Variants in DIAPH2 observed in about 807,000 individuals in gnomAD.
The protein encoded by DIAPH2 is protein diaphanous homolog 2.
DIAPH2 carries 35 observed loss-of-function variants against 92.7 expected under a neutral mutation model. The ratio of observed to expected loss-of-function variants is 0.38; its 90% CI spans 0.29 to 0.50. DIAPH2 has a LOEUF of 0.50. DIAPH2 is among the 20% of genes least tolerant of loss of function. The pLI is 0.94. For synonymous variants in DIAPH2, 301 were observed against 280.4 expected, an observed-to-expected ratio of 1.07 and a Z score of -0.73; for missense variants, 701 against 819.5, an observed-to-expected ratio of 0.86 and a Z score of 1.77.
intron 21 of DIAPH2, among the ~76,000 whole-genome samples, chrX:97,127,509 T>C (rs747299137): frequency 2.7e-5 from 3 of 112,542 alleles, no homozygotes; most frequent in Admixed American, 9.4e-5. Flanking sequence ...GATCACTTTA[T>C]GCTTCCAAAT....
intron 17 of DIAPH2, among the ~76,000 whole-genome samples, chrX:97,038,693 C>A (rs2066428483): frequency 9.1e-6 from 1 of 109,869 alleles, no homozygotes; most frequent in African/African-American, 3.3e-5. Context: ...CTTTAATTTT[C>A]ATTTTCCTAA....
chrX:96,873,816 T>C (rs1438349820), intron 4 of DIAPH2, among the ~76,000 whole-genome samples: 1 of 111,081 alleles, frequency 9.0e-6, no homozygotes, highest in Non-Finnish European at 1.9e-5. Flanking sequence ...GATATCATAA[T>C]ATAGATTACC....
intron 25 of DIAPH2, among the ~76,000 whole-genome samples, chrX:97,408,485 T>G (rs992304612): frequency 9.0e-6 from 1 of 111,695 alleles, no homozygotes; most frequent in Non-Finnish European, 1.9e-5. Context: ...GAAGTTAATT[T>G]TTTTCTATTG....
chrX:97,452,471 G>T (rs547511285), intron 26 of DIAPH2, among the ~76,000 whole-genome samples: 204 of 111,887 alleles, frequency 1.8e-3, no homozygotes, highest in African/African-American at 6.4e-3. Flanking sequence ...AGGACTTCCT[G>T]CTGAGGTCAT....
At chrX:97,187,281 C>CTTTATTTTTTTTTT (rs2067613415) in intron 22 of DIAPH2, among the ~76,000 whole-genome samples, 1 of 36,889 alleles carries the variant, frequency 2.7e-5, no homozygotes, top group Non-Finnish European at 4.4e-5. Context: ...ATTAAGTAGC[C>CTTTATTTTTTTTTT]TTTTTTTTTT....
chrX:96,860,818 C>G (rs2065068749), intron 4 of DIAPH2, among the ~76,000 whole-genome samples: 1 of 111,102 alleles, frequency 9.0e-6, no homozygotes, highest in Admixed American at 9.6e-5. Context: ...AAAGAAATTA[C>G]ACGTGTCATA....
chrX:96,751,217 T>C (rs1351718940), intron 3 of DIAPH2, among the ~76,000 whole-genome samples: 1 of 111,424 alleles, frequency 9.0e-6, no homozygotes, highest in East Asian at 2.8e-4. Context: ...TTGTCTATAA[T>C]AGGAAATTGT....
At chrX:97,562,067 A>T (rs2071297406) in intron 26 of DIAPH2, among the ~76,000 whole-genome samples, 1 of 111,990 alleles carries the variant, frequency 8.9e-6, no homozygotes, top group Non-Finnish European at 1.9e-5. Flanking sequence ...AAAACTGTAT[A>T]GTTACCTGGT....
chrX:97,141,611 TA>T, intron 21 of DIAPH2, 53 bp from the exon 22 acceptor site: 1 of 1,099,286 alleles, frequency 9.1e-7, no homozygotes. Flanking sequence ...TTCACTTGTT[TA>T]AAAAAGTATT....
intron 23 of DIAPH2, among the ~76,000 whole-genome samples, chrX:97,300,930 T>TCAAAAAAAAAA (rs2068693109): frequency 1.2e-4 from 1 of 8,587 alleles, no homozygotes; most frequent in Non-Finnish European, 2.0e-4. Context: ...AGACTCCGTC[T>TCAAAAAAAAAA]TAAAAAAAAA....
intron 26 of DIAPH2, among the ~76,000 whole-genome samples, chrX:97,434,253 C>T (rs915697022): frequency 1.8e-5 from 2 of 110,756 alleles, no homozygotes; most frequent in Non-Finnish European, 3.8e-5. Context: ...ACACAAGTTA[C>T]GCATTAGAAT....
chrX:97,219,482 A>C (rs1206603298), intron 22 of DIAPH2, among the ~76,000 whole-genome samples: 4 of 111,983 alleles, frequency 3.6e-5, no homozygotes, highest in Admixed American at 1.9e-4. Flanking sequence ...TTCCTACTTT[A>C]GAAAGTTTGA....
intron 5 of DIAPH2, among the ~76,000 whole-genome samples, chrX:96,889,922 A>G (rs1287829701): frequency 8.9e-6 from 1 of 112,388 alleles, no homozygotes; most frequent in Non-Finnish European, 1.9e-5. Context: ...CTGGAAGCAG[A>G]TAATGTAGAG....
At chrX:96,719,004 A>C (rs1334645161) in intron 1 of DIAPH2, among the ~76,000 whole-genome samples, 1 of 111,575 alleles carries the variant, frequency 9.0e-6, no homozygotes, top group Non-Finnish European at 1.9e-5. Context: ...TACCTCTGTA[A>C]TTTTGATTTG....
At chrX:97,311,727 T>C (rs1011474955) in intron 23 of DIAPH2, among the ~76,000 whole-genome samples, 3 of 111,704 alleles carry the variant, frequency 2.7e-5, no homozygotes, top group Non-Finnish European at 5.6e-5. Flanking sequence ...TCCAGCTGCA[T>C]GACTCCTAAA....
chrX:96,951,787 G>A (rs1032640915), intron 15 of DIAPH2, among the ~76,000 whole-genome samples: 1 of 111,819 alleles, frequency 8.9e-6, no homozygotes, highest in Admixed American at 9.5e-5. Context: ...AAGGCTGGTA[G>A]CATTTAATAT....
chrX:97,462,689 C>T (rs1209689859), intron 26 of DIAPH2, among the ~76,000 whole-genome samples: 3 of 111,092 alleles, frequency 2.7e-5, no homozygotes, highest in East Asian at 5.7e-4. Context: ...AAAAGGAATC[C>T]GATGATGCTC....
chrX:97,048,340 T>C (rs1190006544), intron 17 of DIAPH2, among the ~76,000 whole-genome samples: 1 of 111,098 alleles, frequency 9.0e-6, no homozygotes, highest in Non-Finnish European at 1.9e-5. Flanking sequence ...ATTTGAGAAA[T>C]ATAAATCTCC....
chrX:96,929,117 G>A (rs2065602845), intron 9 of DIAPH2, among the ~76,000 whole-genome samples: 1 of 111,365 alleles, frequency 9.0e-6, no homozygotes, highest in African/African-American at 3.2e-5. Flanking sequence ...ATGCACTTTG[G>A]CTTGTTTGGT....
Sources: gnomAD v4.1 joint callset for allele counts (sites outside exome capture counted in the v4.1 genomes callset) on GRCh38, gnomAD v4.1.1 for gene constraint, MANE v1.5 for transcripts, NCBI Gene and HGNC (gene_info 2026-07-23, HGNC 2026-07-21) for gene names.